The following FZD3 variants were observed in gnomAD, a reference collection of about 807,000 sequenced individuals.
The protein encoded by FZD3 is frizzled-3.
FZD3 carries 30 observed loss-of-function variants against 60.7 expected under a neutral mutation model. The observed-to-expected ratio is 0.49, with a 90% CI of 0.37 to 0.67. The LOEUF is 0.67. Ranked by LOEUF, FZD3 falls within the 30% of genes least tolerant of loss-of-function variation. The pLI is 0.00. For missense variants in FZD3, 605 were observed against 838.7 expected (o/e 0.72, Z 3.44); for synonymous variants, 246 against 275.2 (o/e 0.89, Z 1.05).
intron 2 of FZD3, among the ~76,000 whole-genome samples, chr8:28,501,139 A>C (rs1563379312): frequency 6.6e-6 from 1 of 152,168 alleles, no homozygotes; most frequent in Non-Finnish European, 1.5e-5. Flanking sequence ...CTGTTTCAGA[A>C]ATTTCTGATG....
chr8:28,538,392 C>T (rs1002153933), intron 5 of FZD3, among the ~76,000 whole-genome samples: 2 of 152,098 alleles, frequency 1.3e-5, no homozygotes, highest in Non-Finnish European at 2.9e-5. Flanking sequence ...CTATGCTCAA[C>T]AATTTACACA....
At chr8:28,520,926 T>G in intron 4 of FZD3, 92 bp downstream of exon 4, 2 of 819,512 alleles carry the variant, frequency 2.4e-6, no homozygotes, top group Non-Finnish European at 1.9e-6. Flanking sequence ...TAAAAAACTT[T>G]TTTTGAAGTG....
intron 5 of FZD3, among the ~76,000 whole-genome samples, chr8:28,550,919 A>G (rs1805396962): frequency 6.6e-6 from 1 of 152,120 alleles, no homozygotes; most frequent in Non-Finnish European, 1.5e-5. Flanking sequence ...AATTTTTAGT[A>G]ATCAAAACTA....
intron 5 of FZD3, among the ~76,000 whole-genome samples, chr8:28,543,515 G>T (rs1385564257): frequency 2.0e-5 from 3 of 152,040 alleles, no homozygotes; most frequent in Non-Finnish European, 4.4e-5. Context: ...CGAGCAGCTG[G>T]GATTGCAGGC....
At chr8:28,500,355 T>G (rs1043993159) in intron 2 of FZD3, among the ~76,000 whole-genome samples, 4 of 152,246 alleles carry the variant, frequency 2.6e-5, no homozygotes, top group African/African-American at 9.6e-5. Flanking sequence ...GTAAAATAGA[T>G]GGAGTAGGCA....
chr8:28,535,895 T>C (rs1412063333), intron 5 of FZD3, among the ~76,000 whole-genome samples: 2 of 152,212 alleles, frequency 1.3e-5, no homozygotes, highest in Admixed American at 1.3e-4. Context: ...TCTTGATATT[T>C]CTAGAAAAGA....
chr8:28,558,533 C>T (rs1306391549), intron 7 of FZD3, among the ~76,000 whole-genome samples: 1 of 151,950 alleles, frequency 6.6e-6, no homozygotes, highest in Non-Finnish European at 1.5e-5. Flanking sequence ...CAGGTTCCAG[C>T]GATTCTCATG....
chr8:28,548,655 A>G (rs1805348703), intron 5 of FZD3, among the ~76,000 whole-genome samples: 1 of 152,236 alleles, frequency 6.6e-6, no homozygotes. Context: ...AGTTTTAATT[A>G]TTATAGCTTA....
At chr8:28,494,803 G>A (rs1248113054) in intron 1 of FZD3, among the ~76,000 whole-genome samples, 4 of 152,086 alleles carry the variant, frequency 2.6e-5, no homozygotes, top group Non-Finnish European at 5.9e-5. Context: ...GGGTGCCGGG[G>A]GCCGTAGGCG....
At chr8:28,504,520 A>T (rs969620834) in intron 3 of FZD3, among the ~76,000 whole-genome samples, 2 of 152,194 alleles carry the variant, frequency 1.3e-5, no homozygotes, top group Non-Finnish European at 2.9e-5. Flanking sequence ...GGTCATAAAG[A>T]TGTTTGTCCT....
At chr8:28,529,804 A>T in intron 5 of FZD3, among the ~76,000 whole-genome samples, 1 of 151,850 alleles carries the variant, frequency 6.6e-6, no homozygotes, top group Non-Finnish European at 1.5e-5. Context: ...CTTACTAAAA[A>T]CTCTTATTAT....
Position 28,574,175 on chromosome 8 carries a change from G to A in FZD3, c.*11164G>A, listed in dbSNP as rs780351063. On this transcript the variant is annotated 3_prime_UTR_variant, in exon 8 of 8. Coordinates refer to ENST00000240093, the MANE Select transcript of FZD3 (RefSeq NM_017412.4). ...AATGTTTTTTCTTAGCACTTTAACT[G>A]TGAGTGTACAAACTGATTTTAAATG... 4 of 152,142 alleles carry A rather than the reference G, an allele frequency of 2.6e-5. No homozygotes were observed. The highest frequency in any genetic ancestry group is 5.9e-5 in the Non-Finnish European group (4 of 68,010). 9.4% of individuals were successfully genotyped at this position (152,142 alleles called of 1,614,324 possible). A position where few individuals can be genotyped will look rare whatever the true frequency, so the allele number is the denominator to read the frequency against.
At chr8:28,499,443 C>G (rs1426895782) in intron 1 of FZD3, among the ~76,000 whole-genome samples, 1 of 151,718 alleles carries the variant, frequency 6.6e-6, no homozygotes, top group Non-Finnish European at 1.5e-5. Flanking sequence ...CAGTTGTTAC[C>G]AGCTTTTAGG....
chr8:28,562,842 A>G lies in FZD3; in HGVS notation c.1832A>G (p.His611Arg). The G allele has an allele frequency of 6.2e-7, 1 of 1,613,618 alleles. No individual in the cohort carries two copies. The highest frequency in any genetic ancestry group is 8.5e-7 in the Non-Finnish European group (1 of 1,179,672). Residue 611 changes from histidine to arginine, a missense_variant, in exon 8 of 8, where the codon CAT becomes CGT. Physicochemically the swap from His to Arg is conservative, Grantham distance 29. Coordinates refer to ENST00000240093, the MANE Select transcript of FZD3 (RefSeq NM_017412.4). ...AGAGGAATGGAGGAGAGACTACCTC[A>G]TGGCAGCATGTCACGACTAACAGAT... ...SYRGMEERLP[H>R]GSMSRLTDHS...
intron 6 of FZD3, among the ~76,000 whole-genome samples, chr8:28,554,396 A>T (rs978391802): frequency 6.6e-6 from 1 of 151,750 alleles, no homozygotes; most frequent in African/African-American, 2.4e-5. Context: ...CCAGATTTTT[A>T]TTTTTTTTAC....
intron 5 of FZD3, 91 bp from the exon 6 acceptor site, chr8:28,551,512 G>C: frequency 5.0e-6 from 5 of 1,001,780 alleles, no homozygotes; most frequent in Non-Finnish European, 7.4e-6. Context: ...ACAAAACTCT[G>C]TCTCAAAAGA....
intron 4 of FZD3, among the ~76,000 whole-genome samples, chr8:28,523,420 A>G (rs1804636083): frequency 6.6e-6 from 1 of 151,962 alleles, no homozygotes; most frequent in Non-Finnish European, 1.5e-5. Context: ...TAATTGTCCC[A>G]AAGACCTCAC....
In FZD3 at chr8:28,566,814, GA is replaced by G. The variant is rs1186930788; in HGVS notation, c.*3804del. Reference sequence around the variant, plus strand: ...AATTCCCCTGGGATTGGAATTTTAAGACTCATGATGTCAACTGGGCTGGTCA... The same window carrying G: ...AATTCCCCTGGGATTGGAATTTTAAGCTCATGATGTCAACTGGGCTGGTCA... On this transcript the variant is annotated 3_prime_UTR_variant, in exon 8 of 8. Transcript: ENST00000240093. The G allele has an allele frequency of 6.6e-6, 1 of 152,108 alleles. No individual in the cohort carries two copies. The highest frequency in any genetic ancestry group is 1.5e-5 in the Non-Finnish European group (1 of 68,020). 9.4% of individuals were successfully genotyped at this position (152,108 alleles called of 1,614,324 possible).
At chr8:28,559,446 G>A (rs372369765) in intron 7 of FZD3, among the ~76,000 whole-genome samples, 3 of 152,264 alleles carry the variant, frequency 2.0e-5, no homozygotes, top group East Asian at 3.9e-4. Context: ...AGAACTAGGT[G>A]ACACCGTATT....
Sources: allele counts gnomAD v4.1 joint callset (sites outside exome capture counted in the v4.1 genomes callset), GRCh38; gene constraint gnomAD v4.1.1; transcripts MANE v1.5; gene names NCBI Gene and HGNC (gene_info 2026-07-23, HGNC 2026-07-21).